Variants in SNAPIN observed in about 807,000 individuals in gnomAD.
The protein encoded by SNAPIN is SNARE-associated protein Snapin.
SNAPIN carries 16 observed loss-of-function variants against 15.9 expected under a neutral mutation model. That is an observed-to-expected ratio of 1.01 (90% CI 0.68 to 1.53). The LOEUF (loss-of-function observed/expected upper bound fraction) is 1.53. SNAPIN is among the 40% of genes most tolerant of loss of function. The pLI is 0.00. For synonymous variants in SNAPIN, 83 were observed against 76.2 expected, an observed-to-expected ratio of 1.09 and a Z score of -0.46; for missense variants, 186 against 180.1, an observed-to-expected ratio of 1.03 and a Z score of -0.19.
At chr1:153,660,972 G>A (rs1212144080) in intron 3 of SNAPIN, among the ~76,000 whole-genome samples, 1 of 151,758 alleles carries the variant, frequency 6.6e-6, no homozygotes, top group Non-Finnish European at 1.5e-5. Flanking sequence ...GTTTTACCAT[G>A]TTGGTCAGGC....
At position 153,661,138 on chromosome 1, in the gene SNAPIN, G is replaced by T. The variant is rs963571014; in HGVS notation, c.310-62G>T. ...CACGCCCGGTATTTTTCAGCACCTA[G>T]TTCACTTACACTCTCAAGCCTTTCA... On this transcript the variant is annotated intron_variant, in intron 3 of 3. Coordinates refer to ENST00000368685, the MANE Select transcript of SNAPIN (RefSeq NM_012437.6). 29 of 1,367,654 alleles carry T rather than the reference G, an allele frequency of 2.1e-5. No individual in the cohort carries two copies. In the Admixed American group the frequency reaches 2.9e-4, roughly 14 times the overall value. The allele number at this position is 1,367,654 out of a possible 1,614,324, so 84.7% of individuals were successfully genotyped here. A position where few individuals can be genotyped will look rare whatever the true frequency, so the allele number is the denominator to read the frequency against.
intron 3 of SNAPIN, among the ~76,000 whole-genome samples, chr1:153,660,530 C>T (rs964505934): frequency 6.6e-6 from 1 of 151,782 alleles, no homozygotes; most frequent in African/African-American, 2.4e-5. Flanking sequence ...TGCCTGTAAT[C>T]CCAGCTACTT....
At chr1:153,660,046 T>C (rs924354506) in intron 3 of SNAPIN, among the ~76,000 whole-genome samples, 2 of 151,914 alleles carry the variant, frequency 1.3e-5, no homozygotes, top group African/African-American at 4.8e-5. Flanking sequence ...TTTATTTTTA[T>C]GATACAAGGT....
chr1:153,661,496 G>A lies in SNAPIN; in HGVS notation c.*195G>A, dbSNP rs1257436404. On this transcript the variant is annotated 3_prime_UTR_variant, in exon 4 of 4. Transcript: ENST00000368685. ...GAAACCTACACACAGCCAGAATGAG[G>A]TTCCCAAAGGACTTACATTAATTAT... The A allele has an allele frequency of 2.4e-6, 1 of 411,462 alleles. No individual in the cohort carries two copies. Among genetic ancestry groups the A allele is most frequent in the African/African-American group, 2.0e-5 (1 of 50,230 alleles). The allele number at this position is 411,462 out of a possible 1,614,324, so 25.5% of individuals were successfully genotyped here.
Position 153,661,448 on chromosome 1 carries a change from AC to A in SNAPIN, c.*150del. Reference sequence around the variant, plus strand: ...CAGTTTGTTTGAAGCACTTCGTCTTACCCATTTATGTAGGGGCCCCAGGAAA... The same window carrying A: ...CAGTTTGTTTGAAGCACTTCGTCTTACCATTTATGTAGGGGCCCCAGGAAA... On this transcript the variant is annotated 3_prime_UTR_variant, in exon 4 of 4. Coordinates refer to ENST00000368685, the MANE Select transcript of SNAPIN (RefSeq NM_012437.6). The A allele has an allele frequency of 1.7e-6, 1 of 585,462 alleles. No homozygotes were observed. 36.3% of individuals were successfully genotyped at this position (585,462 alleles called of 1,614,324 possible).
rs916406306 is a variant in SNAPIN at position 153,658,750 on chromosome 1, G to A, written c.7G>A (p.Gly3Arg). 6.4e-6 allele frequency: 10 copies of A among 1,562,092 alleles called. No homozygotes were observed. Among genetic ancestry groups the A allele is most frequent in the Non-Finnish European group, 8.6e-6 (10 of 1,162,086 alleles). ...GGCTTCAGGACAATTCGTGATGGCG[G>A]GGGCTGGTTCCGCCGCTGTATCGGG... MA[G>R]AGSAAVSGAG... is the part of the protein sequence containing the mutation. The change falls in exon 1 of 4, where the codon GGG (glycine) becomes AGG (arginine). Residue 3 changes from glycine (G) to arginine (R), a missense_variant. Transcript: ENST00000368685.
At chr1:153,659,631 G>A in intron 3 of SNAPIN, 65 bp downstream of exon 3, 2 of 1,094,070 alleles carry the variant, frequency 1.8e-6, no homozygotes, top group East Asian at 2.4e-5. Flanking sequence ...CACAGTGAAA[G>A]CCACTGTAAT....
rs753213022 is a variant in SNAPIN at position 153,658,705 on chromosome 1, G to C, written c.-39G>C. The C allele has an allele frequency of 5.4e-6, 8 of 1,489,438 alleles. No individual in the cohort carries two copies. In the Admixed American group the frequency reaches 2.1e-4, roughly 39 times the overall value. The allele number at this position is 1,489,438 out of a possible 1,614,324, so 92.3% of individuals were successfully genotyped here. Reference sequence around the variant, plus strand: ...GTGCGGCGCGGCTCCGGTTCCCGGCGGCCCTCGCGGCAGGTTTCGGGCTTC... The same window carrying C: ...GTGCGGCGCGGCTCCGGTTCCCGGCCGCCCTCGCGGCAGGTTTCGGGCTTC... On this transcript the variant is annotated 5_prime_UTR_variant, in exon 1 of 4. Coordinates refer to ENST00000368685, the MANE Select transcript of SNAPIN (RefSeq NM_012437.6).
chr1:153,661,631 A>G lies in SNAPIN; in HGVS notation c.*330A>G, dbSNP rs937025069. ...AGTTAACCAGAGGGGCTTCCTTTGT[A>G]TGTTACATGCCTGGTTACATGGGCC... On this transcript the variant is annotated 3_prime_UTR_variant, in exon 4 of 4. Transcript: ENST00000368685. 9.7e-6 allele frequency: 2 copies of G among 206,106 alleles called. No individual in the cohort carries two copies. Among genetic ancestry groups the G allele is most frequent in the Admixed American group, 1.0e-4 (2 of 19,740 alleles). 12.8% of individuals were successfully genotyped at this position (206,106 alleles called of 1,614,324 possible). A position where few individuals can be genotyped will look rare whatever the true frequency, so the allele number is the denominator to read the frequency against.
At chr1:153,660,919 C>T (rs1273024944) in intron 3 of SNAPIN, among the ~76,000 whole-genome samples, 1 of 152,010 alleles carries the variant, frequency 6.6e-6, no homozygotes. Context: ...AAGCACCCGC[C>T]ACCATGCCCA....
Position 153,658,757 on chromosome 1 carries a change from G to T in SNAPIN, c.14G>T (p.Gly5Val), listed in dbSNP as rs773999929. Residue 5 changes from glycine (G) to valine (V), a missense_variant, in exon 1 of 4, where the codon GGT becomes GTT. Physicochemically the swap from Gly to Val is moderately radical, Grantham distance 109. Transcript: ENST00000368685. Reference protein sequence around the residue: MAGAGSAAVSGAGTP... With the variant: MAGAVSAAVSGAGTP... The stretch of plus-strand genomic sequence containing the variant: ...GGACAATTCGTGATGGCGGGGGCTG[G>T]TTCCGCCGCTGTATCGGGGGCAGGG... 2 of 1,566,340 alleles carry T rather than the reference G, an allele frequency of 1.3e-6. No individual in the cohort carries two copies. Among genetic ancestry groups the T allele is most frequent in the Non-Finnish European group, 1.7e-6 (2 of 1,164,222 alleles).
chr1:153,660,916 C>T (rs929318702), intron 3 of SNAPIN, among the ~76,000 whole-genome samples: 1 of 151,938 alleles, frequency 6.6e-6, no homozygotes, highest in African/African-American at 2.4e-5. Flanking sequence ...TACAAGCACC[C>T]GCCACCATGC....
At chr1:153,661,082 T>C (rs1669144363) in intron 3 of SNAPIN, 118 bp from the exon 4 acceptor site, 4 of 725,744 alleles carry the variant, frequency 5.5e-6, no homozygotes, top group South Asian at 3.2e-5. Flanking sequence ...CATTCTTATA[T>C]ATACTTTTGA....
At chr1:153,658,910 C>T (rs1181192669) in intron 1 of SNAPIN, 24 bp downstream of exon 1, 1 of 1,608,340 alleles carries the variant, frequency 6.2e-7, no homozygotes, top group Admixed American at 1.7e-5. Flanking sequence ...AAGTTGGGGG[C>T]GGGGCCTGTC....
intron 3 of SNAPIN, among the ~76,000 whole-genome samples, chr1:153,659,958 C>T (rs561770537): frequency 6.6e-6 from 1 of 152,272 alleles, no homozygotes; most frequent in African/African-American, 2.4e-5. Context: ...TGGTCTGGAA[C>T]TCCTGGGCTC....
chr1:153,660,655 A>C (rs1454741597), intron 3 of SNAPIN, among the ~76,000 whole-genome samples: 1 of 149,738 alleles, frequency 6.7e-6, no homozygotes, highest in South Asian at 2.1e-4. Context: ...TCTCGGGAAA[A>C]AAAAAAAAAA....
intron 1 of SNAPIN, 94 bp from the exon 2 acceptor site, chr1:153,659,044 C>T: frequency 6.4e-7 from 1 of 1,553,978 alleles, no homozygotes; most frequent in Non-Finnish European, 8.8e-7. Flanking sequence ...TCAGCGGAGG[C>T]CGGCTTCTCT....
chr1:153,658,959 G>A, intron 1 of SNAPIN, 73 bp downstream of exon 1: 2 of 1,598,634 alleles, frequency 1.3e-6, no homozygotes, highest in Non-Finnish European at 1.7e-6. Context: ...AAAGTGTTCT[G>A]GCTGGGAGTG....
Position 153,659,442 on chromosome 1 carries a change from C to T in SNAPIN, c.191-6C>T. 1 of 1,607,088 alleles carries T rather than the reference C, an allele frequency of 6.2e-7. No individual in the cohort carries two copies. Among genetic ancestry groups the T allele is most frequent in the Non-Finnish European group, 8.5e-7 (1 of 1,173,646 alleles). ...GATCTTAGCTGCACCTTACTTCCAT[C>T]CCCAGAACTGTGCCGCATAAATGAG... On this transcript the variant is annotated splice_region_variant and splice_polypyrimidine_tract_variant and intron_variant, in intron 2 of 3. Transcript: ENST00000368685.
Sources: allele counts gnomAD v4.1 joint callset (sites outside exome capture counted in the v4.1 genomes callset), GRCh38; gene constraint gnomAD v4.1.1; transcripts MANE v1.5; gene names NCBI Gene and HGNC (gene_info 2026-07-23, HGNC 2026-07-21).